TSNARE1: variants seen among roughly 807,000 people sequenced by gnomAD.
TSNARE1 encodes the protein t-SNARE domain containing 1.
Under a neutral mutation model 62.0 loss-of-function variants are expected in TSNARE1, and 49 were observed. That is an observed-to-expected ratio of 0.79 (90% CI 0.63 to 1.00). The LOEUF (loss-of-function observed/expected upper bound fraction) is 1.00. Ranked by LOEUF, TSNARE1 falls within the 50% of genes least tolerant of loss-of-function variation. TSNARE1 has a pLI of 0.00. For synonymous variants in TSNARE1, 328 were observed against 294.4 expected (o/e 1.11, Z -1.17); for missense variants, 755 against 700.1 (o/e 1.08, Z -0.88).
chr8:142,235,102 A>G (rs1421764589), intron 12 of TSNARE1, among the ~76,000 whole-genome samples: 1 of 152,154 alleles, frequency 6.6e-6, no homozygotes, highest in African/African-American at 2.4e-5. Flanking sequence ...TCGGGCACAG[A>G]CTTGGGGCTG....
At chr8:142,217,303 A>AAGAAAGAAAG (rs1417182456) in intron 13 of TSNARE1, among the ~76,000 whole-genome samples, 32 of 126,738 alleles carry the variant, frequency 2.5e-4, no homozygotes, top group African/African-American at 6.8e-4. Context: ...GAAAGAAAGA[A>AAGAAAGAAAG]AAAGAAAGAA....
intron 12 of TSNARE1, among the ~76,000 whole-genome samples, chr8:142,259,374 C>A (rs1367391092): frequency 6.6e-6 from 1 of 152,290 alleles, no homozygotes; most frequent in Admixed American, 6.5e-5. Flanking sequence ...GGAAAGGGCA[C>A]GGTTTCTGGG....
chr8:142,331,365 G>A (rs894198282), intron 5 of TSNARE1, among the ~76,000 whole-genome samples: 3 of 152,238 alleles, frequency 2.0e-5, no homozygotes, highest in Non-Finnish European at 2.9e-5. Context: ...CTGCACGTCT[G>A]AGAGGCCCTG....
intron 8 of TSNARE1, 29 bp from the exon 9 acceptor site, chr8:142,314,469 A>G (rs1188351659): frequency 6.2e-7 from 1 of 1,607,240 alleles, no homozygotes; most frequent in Admixed American, 1.7e-5. Context: ...GAGAAGAAAG[A>G]CAGGAAGAGC....
chr8:142,380,372 C>T (rs1266571682), intron 1 of TSNARE1, among the ~76,000 whole-genome samples: 1 of 152,172 alleles, frequency 6.6e-6, no homozygotes, highest in Non-Finnish European at 1.5e-5. Flanking sequence ...AGGGAGGACG[C>T]AGCTGGGACA....
intron 10 of TSNARE1, among the ~76,000 whole-genome samples, chr8:142,295,010 C>T (rs7832348): frequency 0.24 from 36,035 of 152,112 alleles, 4,782 homozygotes; most frequent in African/African-American, 0.35. Flanking sequence ...GGCTCCAGCC[C>T]GGACCAGCAC....
rs1563782811 is a variant in TSNARE1, at chr8:142,256,368, C to A, written c.1446+18413G>T. On this transcript the variant is annotated intron_variant, in intron 12 of 13. Coordinates refer to ENST00000524325, the MANE Select transcript of TSNARE1 (RefSeq NM_145003.5). Reference sequence around the variant, plus strand: ...TCATCACCATCATTATCACCACCATCATCACCACCATCATCATCACCAATA... The same window carrying A: ...TCATCACCATCATTATCACCACCATAATCACCACCATCATCATCACCAATA... Among the ~76,000 whole-genome samples the A allele has an allele frequency of 5.5e-4, 78 of 142,660 alleles. 1 individual carries two copies. The highest frequency in any genetic ancestry group is 6.4e-4 in the Non-Finnish European group (41 of 64,548). The allele number at this position is 142,660 out of a possible 152,430, so 93.6% of individuals were successfully genotyped here.
intron 13 of TSNARE1, among the ~76,000 whole-genome samples, chr8:142,222,511 C>CTCAT (rs1816384163): frequency 1.1e-5 from 1 of 87,778 alleles, no homozygotes; most frequent in African/African-American, 4.1e-5. Flanking sequence ...CATCCACTCA[C>CTCAT]TCACTCACTC....
intron 13 of TSNARE1, among the ~76,000 whole-genome samples, chr8:142,227,128 C>CACACAGCAGTGACAGCCAGGACCA (rs1816846908): frequency 6.6e-6 from 1 of 150,984 alleles, no homozygotes; most frequent in African/African-American, 2.4e-5. Flanking sequence ...AGCCAGAACC[C>CACACAGCAGTGACAGCCAGGACCA]CCACTGCACC....
At chr8:142,269,873 C>T (rs534365936) in intron 12 of TSNARE1, 2 of 985,432 alleles carry the variant, frequency 2.0e-6, no homozygotes, top group African/African-American at 3.5e-5. Context: ...ACCTCAGGTT[C>T]TTTCATAGAC....
intron 11 of TSNARE1, chr8:142,280,242 C>T (rs1024289689): frequency 1.2e-4 from 123 of 985,244 alleles, no homozygotes; most frequent in East Asian, 3.4e-4. Flanking sequence ...GTGTGGAGCC[C>T]GGCCCGGCAC....
chr8:142,303,610 A>G (rs1427163099), intron 9 of TSNARE1, among the ~76,000 whole-genome samples: 5 of 152,222 alleles, frequency 3.3e-5, no homozygotes, highest in Admixed American at 2.6e-4. Context: ...GACAGGTGAC[A>G]ACCAAATACA....
chr8:142,276,976 A>C, intron 11 of TSNARE1: 1 of 985,456 alleles, frequency 1.0e-6, no homozygotes, highest in Non-Finnish European at 1.2e-6. Context: ...GAGATGCACA[A>C]GGGGAGGGGG....
intron 4 of TSNARE1, among the ~76,000 whole-genome samples, chr8:142,339,601 A>G (rs1405795996): frequency 6.6e-6 from 1 of 152,238 alleles, no homozygotes; most frequent in Admixed American, 6.5e-5. Flanking sequence ...TGAGGGCCTC[A>G]TGGAGAGGAC....
chr8:142,365,910 C>A, intron 1 of TSNARE1: 1 of 453,454 alleles, frequency 2.2e-6, no homozygotes, highest in Non-Finnish European at 4.4e-6. Context: ...AAGAGACCTA[C>A]CATGTTCATG....
At chr8:142,265,263 T>C (rs890520301) in intron 12 of TSNARE1, among the ~76,000 whole-genome samples, 1 of 152,176 alleles carries the variant, frequency 6.6e-6, no homozygotes, top group Non-Finnish European at 1.5e-5. Context: ...CCCACTCCAC[T>C]TCCCTAACCC....
At chr8:142,273,379 C>T (rs1050508926) in intron 12 of TSNARE1, 7 of 985,298 alleles carry the variant, frequency 7.1e-6, no homozygotes, top group African/African-American at 1.7e-5. Flanking sequence ...CGTCACCAGG[C>T]GTCACCTTCT....
chr8:142,318,100 G>A (rs533927963), intron 7 of TSNARE1, among the ~76,000 whole-genome samples: 9 of 152,336 alleles, frequency 5.9e-5, no homozygotes, highest in East Asian at 5.8e-4. Context: ...AGGCCCATGC[G>A]TCTGATAAGG....
intron 6 of TSNARE1, among the ~76,000 whole-genome samples, chr8:142,325,521 CG>C (rs985900310): frequency 5.9e-5 from 9 of 152,144 alleles, no homozygotes; most frequent in African/African-American, 2.2e-4. Context: ...TGCGTGGACA[CG>C]GGGCAGCTCA....
Sources: allele counts gnomAD v4.1 joint callset (sites outside exome capture counted in the v4.1 genomes callset), GRCh38; gene constraint gnomAD v4.1.1; transcripts MANE v1.5; gene names NCBI Gene and HGNC (gene_info 2026-07-23, HGNC 2026-07-21).